The following SLX4IP variants were observed in gnomAD, a reference collection of about 807,000 sequenced individuals.
The protein encoded by SLX4IP is SLX4 interacting protein, also known as protein SLX4IP.
In SLX4IP, 34 loss-of-function variants were observed where a neutral mutation model predicts 32.9. That is an observed-to-expected ratio of 1.03 (90% CI 0.79 to 1.38). The LOEUF (loss-of-function observed/expected upper bound fraction) is 1.38, where lower values mean the gene tolerates loss of function less well. Among genes scored for constraint, SLX4IP ranks in the 40% most tolerant of loss-of-function variants. SLX4IP has a pLI of 0.00. For missense variants in SLX4IP, 444 were observed against 479.0 expected, an observed-to-expected ratio of 0.93 and a Z score of 0.68; for synonymous variants, 172 against 171.7, an observed-to-expected ratio of 1.00 and a Z score of -0.01.
intron 2 of SLX4IP, among the ~76,000 whole-genome samples, chr20:10,519,076 C>T (rs638069): frequency 0.57 from 86,847 of 151,594 alleles, 25,442 homozygotes; most frequent in South Asian, 0.72. Flanking sequence ...TAATAAAATA[C>T]ACCCATGTAA....
intron 2 of SLX4IP, among the ~76,000 whole-genome samples, chr20:10,518,384 C>T (rs1489112906): frequency 0.17 from 22,941 of 135,260 alleles, 3,214 homozygotes; most frequent in Admixed American, 0.23. Flanking sequence ...TCTTTCTTTC[C>T]TTCTTCCTTT....
intron 2 of SLX4IP, among the ~76,000 whole-genome samples, chr20:10,544,340 T>G (rs1359120673): frequency 6.6e-6 from 1 of 152,206 alleles, no homozygotes; most frequent in African/African-American, 2.4e-5. Flanking sequence ...AGGCACTGTT[T>G]TATCTGTAGC....
At chr20:10,465,765 C>T (rs1170410241) in intron 2 of SLX4IP, among the ~76,000 whole-genome samples, 2 of 152,240 alleles carry the variant, frequency 1.3e-5, no homozygotes, top group Admixed American at 1.3e-4. Context: ...CTCTGCATTC[C>T]AAAGTGATGG....
chr20:10,461,163 TC>T, intron 2 of SLX4IP, among the ~76,000 whole-genome samples: 1 of 152,340 alleles, frequency 6.6e-6, no homozygotes, highest in South Asian at 2.1e-4. Context: ...GTCTGTCTGC[TC>T]AGAAAAGGGC....
intron 2 of SLX4IP, among the ~76,000 whole-genome samples, chr20:10,551,511 AT>A (rs1279986705): frequency 6.6e-6 from 1 of 152,144 alleles, no homozygotes; most frequent in East Asian, 1.9e-4. Context: ...TTCATTAAAT[AT>A]TAAGTATTCA....
rs77549607 is a variant in SLX4IP at position 10,558,643 on chromosome 20, G to A, written c.118-2057G>A. 8.6e-3 allele frequency among the ~76,000 whole-genome samples: 1,311 copies of A among 152,314 alleles called. 6 individuals are homozygous for A. Among genetic ancestry groups the A allele is most frequent in the South Asian group, 0.019 (93 of 4,824 alleles). On this transcript the variant is annotated intron_variant, in intron 3 of 7. Coordinates refer to ENST00000334534, the MANE Select transcript of SLX4IP (RefSeq NM_001009608.3). The stretch of plus-strand genomic sequence containing the variant: ...CATATGTTTATTTTGAGTGCAGCAC[G>A]AGTAGTCTTTGTACCCAAACAGTTG...
chr20:10,546,160 C>A (rs1312066181), intron 2 of SLX4IP, among the ~76,000 whole-genome samples: 1 of 152,148 alleles, frequency 6.6e-6, no homozygotes, highest in Non-Finnish European at 1.5e-5. Flanking sequence ...ATGCTCCTGA[C>A]CAGCATAAAT....
At chr20:10,543,496 A>G (rs1249101664) in intron 2 of SLX4IP, among the ~76,000 whole-genome samples, 3 of 152,230 alleles carry the variant, frequency 2.0e-5, no homozygotes, top group Admixed American at 2.0e-4. Context: ...ATGAAAGTGC[A>G]GATGGAGGCA....
chr20:10,452,857 T>A (rs1600886236), intron 1 of SLX4IP, among the ~76,000 whole-genome samples: 1 of 148,296 alleles, frequency 6.7e-6, no homozygotes, highest in East Asian at 1.9e-4. Context: ...TCTCAGAAAA[T>A]AAATAAATAA....
chr20:10,598,723 T>C lies in SLX4IP; in HGVS notation c.287T>C (p.Leu96Pro). 1 of 1,614,188 alleles carries C rather than the reference T, an allele frequency of 6.2e-7. No homozygotes were observed. Among genetic ancestry groups the C allele is most frequent in the Middle Eastern group, 1.6e-4 (1 of 6,062 alleles). The change falls in exon 5 of 8, where the codon CTT (leucine) becomes CCT (proline). Residue 96 changes from leucine to proline, a missense_variant. Physicochemically the swap from Leu to Pro is moderately conservative, Grantham distance 98. Coordinates refer to ENST00000334534, the MANE Select transcript of SLX4IP (RefSeq NM_001009608.3). Reference sequence around the variant, plus strand: ...TATTTCCTCAAGAGAGGGATACGCCTTCGCTGCATCAGGAGCACACAGAAT... The same window carrying C: ...TATTTCCTCAAGAGAGGGATACGCCCTCGCTGCATCAGGAGCACACAGAAT... Reference protein sequence around the residue: ...TAYFLKRGIRLRCIRSTQNAE... With the variant: ...TAYFLKRGIRPRCIRSTQNAE...
intron 2 of SLX4IP, among the ~76,000 whole-genome samples, chr20:10,536,208 G>A (rs1219601894): frequency 1.3e-5 from 2 of 152,174 alleles, no homozygotes; most frequent in Admixed American, 6.5e-5. Flanking sequence ...AGCTAGTATG[G>A]ACAGGAGAGA....
intron 2 of SLX4IP, among the ~76,000 whole-genome samples, chr20:10,547,868 G>T (rs1465583996): frequency 6.6e-6 from 1 of 152,152 alleles, no homozygotes; most frequent in Non-Finnish European, 1.5e-5. Flanking sequence ...CAACCCAAAG[G>T]TAACAGAAGG....
intron 2 of SLX4IP, among the ~76,000 whole-genome samples, chr20:10,547,276 C>T (rs558314141): frequency 4.4e-4 from 51 of 116,194 alleles, no homozygotes; most frequent in African/African-American, 1.3e-3. Flanking sequence ...CTTTCTTTCT[C>T]TTTCCTTTGT....
At chr20:10,526,114 G>A (rs116173663) in intron 2 of SLX4IP, among the ~76,000 whole-genome samples, 4 of 151,852 alleles carry the variant, frequency 2.6e-5, no homozygotes, top group African/African-American at 7.3e-5. Context: ...TCCTTCATGC[G>A]CACATCACAT....
intron 4 of SLX4IP, among the ~76,000 whole-genome samples, chr20:10,595,597 A>G (rs12479970): frequency 0.17 from 25,323 of 152,130 alleles, 2,841 homozygotes; most frequent in Non-Finnish European, 0.24. Flanking sequence ...GGCCTCCTGA[A>G]CTCTGTGAAG....
intron 2 of SLX4IP, among the ~76,000 whole-genome samples, chr20:10,481,043 C>T (rs1285460624): frequency 1.3e-5 from 2 of 151,010 alleles, no homozygotes; most frequent in East Asian, 3.9e-4. Flanking sequence ...AGTATAAAAG[C>T]TTAACTATAA....
chr20:10,530,691 G>T (rs993088121), intron 2 of SLX4IP, among the ~76,000 whole-genome samples: 18 of 152,040 alleles, frequency 1.2e-4, no homozygotes, highest in African/African-American at 4.1e-4. Flanking sequence ...TAGTATAGAG[G>T]CTGTAAGCCT....
intron 4 of SLX4IP, among the ~76,000 whole-genome samples, chr20:10,564,965 C>G (rs1459526464): frequency 1.3e-5 from 2 of 152,120 alleles, no homozygotes; most frequent in East Asian, 3.8e-4. Flanking sequence ...TTTTATTTAT[C>G]TGTGTGTTTT....
chr20:10,603,638 G>A (rs944924189), intron 6 of SLX4IP, among the ~76,000 whole-genome samples: 2 of 152,018 alleles, frequency 1.3e-5, no homozygotes, highest in African/African-American at 4.8e-5. Flanking sequence ...CTCCACCTCT[G>A]TCTCTTCACA....
Sources: allele counts gnomAD v4.1 joint callset (sites outside exome capture counted in the v4.1 genomes callset), GRCh38; gene constraint gnomAD v4.1.1; transcripts MANE v1.5; gene names NCBI Gene and HGNC (gene_info 2026-07-23, HGNC 2026-07-21).